The following TUT7 variants were observed in gnomAD, a reference collection of about 807,000 sequenced individuals.
TUT7 encodes the protein terminal uridylyltransferase 7.
TUT7 carries 33 observed loss-of-function variants against 165.9 expected under a neutral mutation model. The ratio of observed to expected loss-of-function variants is 0.20; its 90% CI spans 0.15 to 0.27. TUT7 has a LOEUF of 0.27. Among genes scored for constraint, TUT7 ranks in the 10% least tolerant of loss-of-function variants. The pLI is 1.00. For synonymous variants in TUT7, 552 were observed against 608.1 expected (o/e 0.91, Z 1.36); for missense variants, 1,338 against 1,762.3 (o/e 0.76, Z 4.31).
chr9:86,297,564 A>G (rs1246824572), intron 26 of TUT7, among the ~76,000 whole-genome samples: 1 of 152,058 alleles, frequency 6.6e-6, no homozygotes, highest in Non-Finnish European at 1.5e-5. Context: ...GTGGCGGCTC[A>G]TATCTATCAT....
chr9:86,320,305 G>C (rs1263635977), intron 14 of TUT7, among the ~76,000 whole-genome samples: 2 of 147,922 alleles, frequency 1.4e-5, no homozygotes, highest in Middle Eastern at 3.6e-3. Flanking sequence ...CTTCTGACAC[G>C]GATGAACACC....
chr9:86,331,705 T>A (rs1830330918), intron 10 of TUT7, among the ~76,000 whole-genome samples: 1 of 152,234 alleles, frequency 6.6e-6, no homozygotes, highest in Non-Finnish European at 1.5e-5. Context: ...AACCTATATG[T>A]CTTTATATTT....
chr9:86,318,013 AT>A (rs1475456904), intron 16 of TUT7, among the ~76,000 whole-genome samples: 2 of 152,226 alleles, frequency 1.3e-5, no homozygotes, highest in African/African-American at 4.8e-5. Flanking sequence ...CTTTATTCAA[AT>A]TCAGGCTAGA....
chr9:86,325,242 A>G (rs1168898131), intron 12 of TUT7, 92 bp downstream of exon 12: 16 of 1,228,336 alleles, frequency 1.3e-5, no homozygotes, highest in South Asian at 1.3e-4. Context: ...TACTTGTAGG[A>G]GCTGAAAAGA....
intron 22 of TUT7, among the ~76,000 whole-genome samples, chr9:86,307,437 AGTTCATTGTATTT>A: frequency 6.6e-6 from 1 of 152,246 alleles, no homozygotes; most frequent in Non-Finnish European, 1.5e-5. Flanking sequence ...ATTTTACAAA[AGTTCATTGTATTT>A]TAATACTGCC....
At position 86,303,106 on chromosome 9, in the gene TUT7, C is replaced by T; in HGVS notation, c.4074G>A (p.Lys1358=). The T allele has an allele frequency of 6.3e-7, 1 of 1,599,770 alleles. No individual in the cohort carries two copies. The highest frequency in any genetic ancestry group is 1.1e-5 in the South Asian group (1 of 89,092). ...RICGKIGHFM[K]DCPMRRKVRR... ...CTTACTTTCTCCTCATAGGACAGTC[C>T]TTCATGAAGTGTCCGATTTTTCCAC... is the stretch of plus-strand genomic sequence containing the variant. Residue 1358 remains lysine (K), a synonymous_variant, in exon 25 of 27, where the codon AAG becomes AAA. Coordinates refer to ENST00000375963, the MANE Select transcript of TUT7 (RefSeq NM_024617.4).
Position 86,322,893 on chromosome 9 carries a change from G to A in TUT7, c.2857C>T (p.Leu953Phe). The A allele has an allele frequency of 6.2e-7, 1 of 1,603,556 alleles. No individual in the cohort carries two copies. Among genetic ancestry groups the A allele is most frequent in the Non-Finnish European group, 8.5e-7 (1 of 1,175,678 alleles). Reference protein sequence around the residue: ...QSDFFYEFSKLIFTKGKSPTV... With the variant: ...QSDFFYEFSKFIFTKGKSPTV... ...ATTACCTTGCCTTTGGTGAAGATAA[G>A]TTTACTGAATTCATAAAAAAAATCA... Residue 953 changes from leucine (L) to phenylalanine (F), a missense_variant, in exon 13 of 27, where the codon CTT becomes TTT. Physicochemically the swap from Leu to Phe is conservative, Grantham distance 22. Around this residue, in one of 7 missense-constraint regions of TUT7, gnomAD observed 425 missense variants for 474.9 expected, o/e 0.89. Transcript: ENST00000375963.
chr9:86,308,131 AC>A (rs1237451570), intron 22 of TUT7, among the ~76,000 whole-genome samples: 2 of 151,980 alleles, frequency 1.3e-5, no homozygotes, highest in Non-Finnish European at 2.9e-5. Flanking sequence ...CACTCTTCAA[AC>A]CCCCCAACAG....
chr9:86,292,150 C>T (rs1825947483), intron 26 of TUT7, among the ~76,000 whole-genome samples: 1 of 152,092 alleles, frequency 6.6e-6, no homozygotes, highest in African/African-American at 2.4e-5. Context: ...CTCAAGCCAT[C>T]CTCCTGCCTC....
chr9:86,289,139 G>A (rs1825730866), intron 26 of TUT7, among the ~76,000 whole-genome samples: 1 of 152,146 alleles, frequency 6.6e-6, no homozygotes, highest in Non-Finnish European at 1.5e-5. Context: ...TCATTACTCT[G>A]CAGATACGAA....
At chr9:86,308,397 C>G (rs1827726864) in intron 22 of TUT7, 32 bp downstream of exon 22, 1 of 1,582,252 alleles carries the variant, frequency 6.3e-7, no homozygotes, top group East Asian at 2.2e-5. Context: ...GCTCTATAGT[C>G]TATTCGACTT....
intron 19 of TUT7, 68 bp downstream of exon 19, chr9:86,309,860 T>C (rs1827859985): frequency 7.0e-7 from 1 of 1,425,892 alleles, no homozygotes; most frequent in South Asian, 1.2e-5. Context: ...AAAATAGATT[T>C]ATGTTTTCAA....
intron 16 of TUT7, among the ~76,000 whole-genome samples, chr9:86,317,779 C>T (rs921182616): frequency 9.9e-5 from 15 of 152,146 alleles, no homozygotes; most frequent in African/African-American, 3.6e-4. Flanking sequence ...TAAAGTCATA[C>T]AGCAAATATA....
At chr9:86,312,120 A>C (rs1216669577) in intron 17 of TUT7, among the ~76,000 whole-genome samples, 1 of 139,114 alleles carries the variant, frequency 7.2e-6, no homozygotes, top group Admixed American at 7.2e-5. Context: ...CTGGCTGCCC[A>C]GTCTGGAAAG....
At chr9:86,340,898 A>C in intron 7 of TUT7, 104 bp downstream of exon 7, 4 of 862,344 alleles carry the variant, frequency 4.6e-6, no homozygotes, top group Non-Finnish European at 7.5e-6. Flanking sequence ...TACCCACATA[A>C]ATAATTTTAA....
rs180720373 is a variant in TUT7 at position 86,327,840 on chromosome 9, C to T, written c.1608+500G>A. ...GGTAACGGGAAGATCAGGGGCCTTT[C>T]ACCTATTTGGGAGAGAATCTTATTC... On this transcript the variant is annotated intron_variant, in intron 11 of 26. Transcript: ENST00000375963. Among the ~76,000 whole-genome samples the T allele has an allele frequency of 3.4e-3, 521 of 152,326 alleles. 7 individuals carry two copies. Among genetic ancestry groups the T allele is most frequent in the African/African-American group, 0.012 (503 of 41,580 alleles).
chr9:86,352,418 T>C, intron 2 of TUT7: 1 of 547,666 alleles, frequency 1.8e-6, no homozygotes, highest in South Asian at 2.1e-5. Flanking sequence ...AAAAAACACG[T>C]TACAGAAAAC....
chr9:86,331,804 CA>C (rs1231318992), intron 10 of TUT7, among the ~76,000 whole-genome samples: 1 of 152,108 alleles, frequency 6.6e-6, no homozygotes, highest in Non-Finnish European at 1.5e-5. Context: ...ATAGCCCTAT[CA>C]ACAGAGTAAA....
chr9:86,340,004 G>T (rs745330947), intron 8 of TUT7, 32 bp downstream of exon 8: 2 of 1,567,772 alleles, frequency 1.3e-6, no homozygotes, highest in Non-Finnish European at 1.8e-6. Flanking sequence ...CAAGTTGAGA[G>T]TTAGTAAATA....
Sources: gnomAD v4.1 joint callset for allele counts (sites outside exome capture counted in the v4.1 genomes callset) on GRCh38, gnomAD v4.1.1 for gene constraint, gnomAD v4.1.1 regional missense constraint, MANE v1.5 for transcripts, NCBI Gene and HGNC (gene_info 2026-07-23, HGNC 2026-07-21) for gene names.